DPP10: variants seen among roughly 807,000 people sequenced by gnomAD.
DPP10 encodes the protein inactive dipeptidyl peptidase 10.
A neutral mutation model predicts 120.9 loss-of-function variants in DPP10; 33 were observed. The observed-to-expected ratio is 0.27, with a 90% CI of 0.21 to 0.37. DPP10 has a LOEUF of 0.37. DPP10 is among the 10% of genes least tolerant of loss of function. The pLI, the probability that DPP10 is intolerant of heterozygous loss-of-function variation, is 1.00. For missense variants in DPP10, 816 were observed against 942.8 expected (o/e 0.87, Z 1.76); for synonymous variants, 337 against 326.1 (o/e 1.03, Z -0.36).
intron 4 of DPP10, among the ~76,000 whole-genome samples, chr2:115,519,839 C>A (rs1351306646): frequency 6.6e-6 from 1 of 152,068 alleles, no homozygotes; most frequent in Non-Finnish European, 1.5e-5. Flanking sequence ...CATGCTCAAA[C>A]CAGGGAATTT....
chr2:115,251,201 A>G (rs2058736107), intron 1 of DPP10, among the ~76,000 whole-genome samples: 1 of 152,174 alleles, frequency 6.6e-6, no homozygotes, highest in African/African-American at 2.4e-5. Context: ...CCAATTTACA[A>G]CGGCTTCTCT....
intron 3 of DPP10, among the ~76,000 whole-genome samples, chr2:115,491,815 C>T (rs1193069056): frequency 2.0e-5 from 3 of 152,138 alleles, no homozygotes. Flanking sequence ...TGCTCCTGCT[C>T]TGTCAACTGG....
chr2:115,500,145 T>C (rs1467890594), intron 4 of DPP10, among the ~76,000 whole-genome samples: 1 of 152,004 alleles, frequency 6.6e-6, no homozygotes, highest in Non-Finnish European at 1.5e-5. Flanking sequence ...TGTATTTATA[T>C]TGGTCTTAAT....
chr2:115,158,832 C>T (rs1329863791), intron 1 of DPP10, among the ~76,000 whole-genome samples: 1 of 151,824 alleles, frequency 6.6e-6, no homozygotes, highest in Non-Finnish European at 1.5e-5. Flanking sequence ...TTTTTGTATT[C>T]AGAAGTTATG....
chr2:115,346,386 A>T (rs190346726), intron 3 of DPP10, among the ~76,000 whole-genome samples: 4 of 152,290 alleles, frequency 2.6e-5, no homozygotes, highest in African/African-American at 9.6e-5. Context: ...AGGTCATCAT[A>T]GAAGTGCTTA....
intron 1 of DPP10, among the ~76,000 whole-genome samples, chr2:114,757,873 A>T (rs1679929592): frequency 6.6e-6 from 1 of 152,198 alleles, no homozygotes; most frequent in African/African-American, 2.4e-5. Flanking sequence ...TGGTTGAAAC[A>T]CAGCTAGTAA....
intron 1 of DPP10, among the ~76,000 whole-genome samples, chr2:114,973,972 A>T (rs78094715): frequency 0.033 from 5,010 of 152,192 alleles, 294 homozygotes; most frequent in African/African-American, 0.12. Flanking sequence ...ATTAAATAAG[A>T]TATTTTTGTA....
At chr2:115,051,576 T>C (rs546904177) in intron 1 of DPP10, among the ~76,000 whole-genome samples, 4 of 152,312 alleles carry the variant, frequency 2.6e-5, no homozygotes, top group South Asian at 2.1e-4. Context: ...AAAAGTATTA[T>C]GTAAAAGTCA....
chr2:115,199,486 G>A (rs1372397088), intron 1 of DPP10, among the ~76,000 whole-genome samples: 1 of 151,732 alleles, frequency 6.6e-6, no homozygotes, highest in Non-Finnish European at 1.5e-5. Context: ...CTACATTAAG[G>A]GACTTTTCAT....
At chr2:115,465,965 T>C (rs1448049117) in intron 3 of DPP10, among the ~76,000 whole-genome samples, 3 of 152,218 alleles carry the variant, frequency 2.0e-5, no homozygotes, top group African/African-American at 7.2e-5. Context: ...TTTGCCTTTT[T>C]AAAAATGATA....
At chr2:115,033,605 TA>T (rs1198339064) in intron 1 of DPP10, among the ~76,000 whole-genome samples, 1 of 152,016 alleles carries the variant, frequency 6.6e-6, no homozygotes, top group Non-Finnish European at 1.5e-5. Context: ...TAAAATAGAG[TA>T]ATAAATTTCT....
intron 1 of DPP10, among the ~76,000 whole-genome samples, chr2:114,804,277 G>A (rs936336759): frequency 2.0e-5 from 3 of 152,184 alleles, no homozygotes; most frequent in African/African-American, 7.2e-5. Context: ...TTATTGGAGG[G>A]GTAGGGCCCT....
At chr2:115,525,493 T>C (rs1389904846) in intron 4 of DPP10, among the ~76,000 whole-genome samples, 1 of 152,084 alleles carries the variant, frequency 6.6e-6, no homozygotes, top group East Asian at 1.9e-4. Flanking sequence ...CCAGTAAGAA[T>C]ACAAAAACAC....
intron 5 of DPP10, among the ~76,000 whole-genome samples, chr2:115,614,054 G>A (rs1444287811): frequency 6.6e-6 from 1 of 152,142 alleles, no homozygotes; most frequent in African/African-American, 2.4e-5. Context: ...AAAGCTTTGG[G>A]GCAGAGCAAC....
rs559388508 is a variant in DPP10 at position 114,820,771 on chromosome 2, C to T, written c.60+377933C>T. ...CTAATCACCTCCCATGAGTTCCCTT[C>T]GACAAAACATGGGGATTATGGGAAC... On this transcript the variant is annotated intron_variant, in intron 1 of 25. Coordinates refer to ENST00000410059, the MANE Select transcript of DPP10 (RefSeq NM_020868.6). Among the ~76,000 whole-genome samples, 11 of 152,202 alleles carry T rather than the reference C, an allele frequency of 7.2e-5. No homozygotes were observed. In the South Asian group the frequency reaches 1.7e-3, roughly 23 times the overall value.
intron 1 of DPP10, among the ~76,000 whole-genome samples, chr2:114,635,992 C>G (rs201556205): frequency 6.6e-6 from 1 of 151,636 alleles, no homozygotes; most frequent in African/African-American, 2.4e-5. Context: ...GAAAGACACA[C>G]GTTTCAGAAT....
intron 1 of DPP10, among the ~76,000 whole-genome samples, chr2:115,168,275 A>C (rs2053057562): frequency 6.6e-6 from 1 of 152,310 alleles, no homozygotes; most frequent in Middle Eastern, 3.4e-3. Flanking sequence ...GTGTGTCCTA[A>C]CCAAGTTCAT....
chr2:114,642,436 G>A (rs1460847672), intron 1 of DPP10, among the ~76,000 whole-genome samples: 2 of 151,870 alleles, frequency 1.3e-5, no homozygotes, highest in Admixed American at 6.5e-5. Context: ...CCCCCAATGA[G>A]TTGACAAAAT....
intron 2 of DPP10, among the ~76,000 whole-genome samples, chr2:115,336,287 T>C (rs976578568): frequency 3.9e-5 from 6 of 151,992 alleles, no homozygotes; most frequent in African/African-American, 1.4e-4. Context: ...GAAAAGAACA[T>C]GGCGTGAATT....
Sources: gnomAD v4.1 joint callset for allele counts (sites outside exome capture counted in the v4.1 genomes callset) on GRCh38, gnomAD v4.1.1 for gene constraint, MANE v1.5 for transcripts, NCBI Gene and HGNC (gene_info 2026-07-23, HGNC 2026-07-21) for gene names.